TMEM135: variants seen among roughly 807,000 people sequenced by gnomAD.
TMEM135 encodes transmembrane protein 135.
TMEM135 carries 30 observed loss-of-function variants against 60.3 expected under a neutral mutation model. The ratio of observed to expected loss-of-function variants is 0.50; its 90% CI spans 0.37 to 0.68. The LOEUF is 0.68. Ranked by LOEUF, TMEM135 falls within the 30% of genes least tolerant of loss-of-function variation. The probability of loss-of-function intolerance (pLI) is 0.00; values close to 1 mark genes in which losing one functional copy is unlikely to be tolerated. For synonymous variants in TMEM135, 190 were observed against 186.7 expected (o/e 1.02, Z -0.14); for missense variants, 468 against 548.8 (o/e 0.85, Z 1.47).
At chr11:87,173,787 GC>G (rs1250447710) in intron 5 of TMEM135, among the ~76,000 whole-genome samples, 3 of 152,118 alleles carry the variant, frequency 2.0e-5, no homozygotes, top group Admixed American at 1.3e-4. Flanking sequence ...TTGATCCACA[GC>G]TATACTAATA....
In TMEM135 at chr11:87,142,702, C is replaced by T. The variant is rs371473788; in HGVS notation, c.397-14639C>T. 2.0e-5 allele frequency among the ~76,000 whole-genome samples: 3 copies of T among 151,624 alleles called. No individual in the cohort carries two copies. The South Asian group carries it at 6.3e-4, about 32-fold the overall frequency. On this transcript the variant is annotated intron_variant, in intron 4 of 14. Coordinates refer to ENST00000305494, the MANE Select transcript of TMEM135 (RefSeq NM_022918.4). ...TTCCAGATTTCCTCCTCCTCCTCCT[C>T]CTTCCTCCCTTCTCCCTCCTTCACC...
intron 6 of TMEM135, among the ~76,000 whole-genome samples, chr11:87,280,468 A>G (rs1465917811): frequency 6.6e-6 from 1 of 152,112 alleles, no homozygotes; most frequent in Non-Finnish European, 1.5e-5. Flanking sequence ...TAAACCTCTC[A>G]GTTCTCAGAA....
At chr11:87,081,470 T>C (rs1185565405) in intron 3 of TMEM135, among the ~76,000 whole-genome samples, 1 of 152,164 alleles carries the variant, frequency 6.6e-6, no homozygotes, top group African/African-American at 2.4e-5. Context: ...CTGCTTACTA[T>C]TGGATTTGTT....
rs191324489 is a variant in TMEM135, at chr11:87,323,072, G to T, written c.*1739G>T. On this transcript the variant is annotated 3_prime_UTR_variant, in exon 15 of 15. Transcript: ENST00000305494. ...AGAAATTGTGCTTATATATTTTCCT[G>T]TCAGGTTTAAAAAGATGTTTTAATT... is the stretch of plus-strand genomic sequence containing the variant. 25 of 454,062 alleles carry T rather than the reference G, an allele frequency of 5.5e-5. No individual in the cohort carries two copies. The highest frequency in any genetic ancestry group is 4.4e-4 in the African/African-American group (22 of 50,034). The allele number at this position is 454,062 out of a possible 1,614,324, so 28.1% of individuals were successfully genotyped here. A position where few individuals can be genotyped will look rare whatever the true frequency, so the allele number is the denominator to read the frequency against.
At chr11:87,071,681 T>G (rs1356398552) in intron 3 of TMEM135, 66 bp downstream of exon 3, 2 of 1,234,648 alleles carry the variant, frequency 1.6e-6, no homozygotes, top group East Asian at 4.8e-5. Context: ...ATAATTTTTT[T>G]TTTTTTAATT....
rs1162643020 is a variant in TMEM135 at position 87,112,208 on chromosome 11, A to T, written c.396+20813A>T. 3.3e-5 allele frequency among the ~76,000 whole-genome samples: 5 copies of T among 152,212 alleles called. No individual in the cohort carries two copies. The South Asian group carries it at 8.3e-4, about 25-fold the overall frequency. On this transcript the variant is annotated intron_variant, in intron 4 of 14. Coordinates refer to ENST00000305494, the MANE Select transcript of TMEM135 (RefSeq NM_022918.4). ...CTCAGCATGGATATTGACTCAGTAC[A>T]CGTCTGTGTTAAATCATTTTATGTG...
At chr11:87,148,194 A>C (rs897673642) in intron 4 of TMEM135, among the ~76,000 whole-genome samples, 2 of 152,228 alleles carry the variant, frequency 1.3e-5, no homozygotes, top group African/African-American at 4.8e-5. Flanking sequence ...AGAATTTACT[A>C]TAGGTAAATT....
At chr11:87,259,276 C>A in intron 6 of TMEM135, 6 of 377,190 alleles carry the variant, frequency 1.6e-5, no homozygotes, top group Non-Finnish European at 2.6e-5. Context: ...GTAGGGGACA[C>A]CAGAAGTGGA....
At chr11:87,145,308 T>C (rs933350545) in intron 4 of TMEM135, among the ~76,000 whole-genome samples, 8 of 152,208 alleles carry the variant, frequency 5.3e-5, no homozygotes, top group Non-Finnish European at 1.2e-4. Context: ...ATACCTCACC[T>C]TTTCTTTATC....
chr11:87,038,872 G>A (rs1590971132), intron 1 of TMEM135, among the ~76,000 whole-genome samples: 2 of 152,120 alleles, frequency 1.3e-5, no homozygotes, highest in East Asian at 3.9e-4. Context: ...TACATACAGG[G>A]CAATTAATAG....
intron 4 of TMEM135, among the ~76,000 whole-genome samples, chr11:87,147,197 C>T (rs948756130): frequency 1.3e-5 from 2 of 152,034 alleles, no homozygotes; most frequent in Non-Finnish European, 2.9e-5. Flanking sequence ...GTGGCGTGTG[C>T]CTGTAGTCCC....
Position 87,236,592 on chromosome 11 carries a change from G to A in TMEM135, c.463-46G>A, listed in dbSNP as rs775359148. On this transcript the variant is annotated intron_variant, in intron 5 of 14. Coordinates refer to ENST00000305494, the MANE Select transcript of TMEM135 (RefSeq NM_022918.4). ...TGCTTTTATGAGTCACTCAAATGGTGATGTCAGTGTTCTTTTGCAAGTAAT... is the reference window on the plus strand; with the variant it reads ...TGCTTTTATGAGTCACTCAAATGGTAATGTCAGTGTTCTTTTGCAAGTAAT... 68 of 1,557,502 alleles carry A rather than the reference G, an allele frequency of 4.4e-5. 1 individual carries two copies. In the Admixed American group the frequency reaches 1.1e-3, roughly 26 times the overall value.
intron 3 of TMEM135, among the ~76,000 whole-genome samples, chr11:87,085,195 C>A (rs558376199): frequency 6.6e-6 from 1 of 152,234 alleles, no homozygotes; most frequent in East Asian, 1.9e-4. Context: ...TGAAAGAAAT[C>A]CTGTCAAAGA....
At chr11:87,056,023 C>T (rs917373202) in intron 1 of TMEM135, among the ~76,000 whole-genome samples, 27 of 152,120 alleles carry the variant, frequency 1.8e-4, no homozygotes, top group Non-Finnish European at 1.8e-4. Flanking sequence ...AAGGGGAACG[C>T]GTCCACCCTA....
At position 87,311,590 on chromosome 11, in the gene TMEM135, A is replaced by G. The variant is rs1290305067; in HGVS notation, c.937-1835A>G. ...AGAGTGTGTTTTGTTTTGCTTTTTT[A>G]TTTTTCATTTCTGTTACTATTTATT... is the stretch of plus-strand genomic sequence containing the variant. On this transcript the variant is annotated intron_variant, in intron 10 of 14. Transcript: ENST00000305494. Among the ~76,000 whole-genome samples the G allele has an allele frequency of 4.0e-5, 6 of 151,790 alleles. 1 individual carries two copies. The highest frequency in any genetic ancestry group is 3.9e-4 in the Admixed American group (6 of 15,226).
chr11:87,273,247 C>G (rs1168483061), intron 6 of TMEM135, among the ~76,000 whole-genome samples: 1 of 152,072 alleles, frequency 6.6e-6, no homozygotes, highest in Admixed American at 6.6e-5. Flanking sequence ...TGCTAAGCCT[C>G]CTTTTCATCT....
intron 5 of TMEM135, among the ~76,000 whole-genome samples, chr11:87,165,715 G>A (rs1433249430): frequency 6.6e-6 from 1 of 151,420 alleles, no homozygotes; most frequent in African/African-American, 2.4e-5. Flanking sequence ...TCAAAAGCTA[G>A]CAGAAGGCAA....
rs563356744 is a variant in TMEM135, at chr11:87,321,223, G to A, written c.1267G>A (p.Val423Ile). ...CAGATTTGCTGTCATGAACCGAAAAGTCCTTGATGTTTTTGGTACTGGTGC... is the reference window on the plus strand; with the variant it reads ...CAGATTTGCTGTCATGAACCGAAAAATCCTTGATGTTTTTGGTACTGGTGC... ...KGKFAVMNRK[V>I]LDVFGTGASK... The change falls in exon 15 of 15, where the codon GTC (valine) becomes ATC (isoleucine). Residue 423 changes from valine (V) to isoleucine (I), a missense_variant. Val to Ile is a conservative substitution (Grantham distance 29, BLOSUM62 3). Transcript: ENST00000305494. 2 of 1,613,444 alleles carry A rather than the reference G, an allele frequency of 1.2e-6. No homozygotes were observed. Among genetic ancestry groups the A allele is most frequent in the East Asian group, 2.2e-5 (1 of 44,860 alleles).
chr11:87,206,548 T>C (rs1408751041), intron 5 of TMEM135, among the ~76,000 whole-genome samples: 1 of 152,124 alleles, frequency 6.6e-6, no homozygotes, highest in Non-Finnish European at 1.5e-5. Flanking sequence ...AGGCAAATTT[T>C]TATGAAGTAT....
Sources: allele counts gnomAD v4.1 joint callset (sites outside exome capture counted in the v4.1 genomes callset), GRCh38; gene constraint gnomAD v4.1.1; transcripts MANE v1.5; gene names NCBI Gene and HGNC (gene_info 2026-07-23, HGNC 2026-07-21).